Variants in ZFP2 observed in about 807,000 individuals in gnomAD.
The protein encoded by ZFP2 is ZFP2 zinc finger protein.
In ZFP2, 33 loss-of-function variants were observed where a neutral mutation model predicts 36.1. That is an observed-to-expected ratio of 0.92 (90% CI 0.69 to 1.22). The LOEUF is 1.22. ZFP2 is among the 50% of genes most tolerant of loss of function. ZFP2 has a pLI of 0.00. For synonymous variants in ZFP2, 170 were observed against 178.0 expected (o/e 0.96, Z 0.36); for missense variants, 522 against 551.4 (o/e 0.95, Z 0.53).
chr5:178,901,541 G>C (rs908249108), intron 1 of ZFP2, among the ~76,000 whole-genome samples: 2 of 152,096 alleles, frequency 1.3e-5, no homozygotes, highest in Non-Finnish European at 2.9e-5. Flanking sequence ...TGGCTGCATC[G>C]CTCTAATCCT....
At chr5:178,923,157 C>T (rs1372866468) in intron 4 of ZFP2, among the ~76,000 whole-genome samples, 1 of 149,192 alleles carries the variant, frequency 6.7e-6, no homozygotes, top group East Asian at 1.9e-4. Flanking sequence ...ATAAAATTTG[C>T]CATTTTAGCC....
chr5:178,901,931 C>T (rs537746455), intron 1 of ZFP2, among the ~76,000 whole-genome samples: 5 of 152,038 alleles, frequency 3.3e-5, no homozygotes, highest in African/African-American at 4.8e-5. Flanking sequence ...GTCAGGAGTT[C>T]GAGACCAGCC....
At chr5:178,928,741 T>A (rs1326226977) in intron 4 of ZFP2, among the ~76,000 whole-genome samples, 1 of 152,072 alleles carries the variant, frequency 6.6e-6, no homozygotes. Context: ...CATTCTGGAG[T>A]CTGGAGGGCA....
rs17081799 is a variant in ZFP2, at chr5:178,897,430, A to G, written c.-450+1456A>G. Among the ~76,000 whole-genome samples the G allele has an allele frequency of 6.7e-3, 1,022 of 152,350 alleles. 15 individuals carry two copies. Among genetic ancestry groups the G allele is most frequent in the African/African-American group, 0.024 (985 of 41,590 alleles). On this transcript the variant is annotated intron_variant, in intron 1 of 4. Coordinates refer to ENST00000361362, the MANE Select transcript of ZFP2 (RefSeq NM_030613.4). Reference sequence around the variant, plus strand: ...ACGTCACAGGTTCTTATGGTCACACATGAAAACCTTTTCTTCACGTTTGGG... The same window carrying G: ...ACGTCACAGGTTCTTATGGTCACACGTGAAAACCTTTTCTTCACGTTTGGG...
At chr5:178,905,079 T>C (rs974054491) in intron 1 of ZFP2, among the ~76,000 whole-genome samples, 1 of 152,196 alleles carries the variant, frequency 6.6e-6, no homozygotes, top group Non-Finnish European at 1.5e-5. Context: ...ATATTTATCC[T>C]TAATAGTCGA....
At position 178,909,804 on chromosome 5, in the gene ZFP2, A is replaced by G. The variant is rs116811777; in HGVS notation, c.-449-2780A>G. Reference sequence around the variant, plus strand: ...CCTTCGCTTCATTTCCCACTCCACAAAGGTGTCGAAGAGATTTGGCCAGGC... The same window carrying G: ...CCTTCGCTTCATTTCCCACTCCACAGAGGTGTCGAAGAGATTTGGCCAGGC... On this transcript the variant is annotated intron_variant, in intron 1 of 4. Coordinates refer to ENST00000361362, the MANE Select transcript of ZFP2 (RefSeq NM_030613.4). 1,333 of 1,590,534 alleles carry G rather than the reference A, an allele frequency of 8.4e-4. 14 individuals carry two copies. In the African/African-American group the frequency reaches 0.015, roughly 18 times the overall value.
rs550564274 is a variant in ZFP2, at chr5:178,928,394, C to T, written c.-77-2843C>T. ...ACCTATGAGCCTATAAAATAAAAGA[C>T]AAGTTAGTTACCTCCAAGATATACT... On this transcript the variant is annotated intron_variant, in intron 4 of 4. Transcript: ENST00000361362. 2.6e-5 allele frequency among the ~76,000 whole-genome samples: 4 copies of T among 152,290 alleles called. No individual in the cohort carries two copies. The South Asian group carries it at 8.3e-4, about 32-fold the overall frequency.
At chr5:178,909,400 C>T (rs1209535449) in intron 1 of ZFP2, among the ~76,000 whole-genome samples, 1 of 152,224 alleles carries the variant, frequency 6.6e-6, no homozygotes, top group Non-Finnish European at 1.5e-5. Context: ...TCAACCCCCA[C>T]ATCCTCACCA....
chr5:178,898,570 T>G (rs1030201455), intron 1 of ZFP2, among the ~76,000 whole-genome samples: 1 of 152,230 alleles, frequency 6.6e-6, no homozygotes, highest in African/African-American at 2.4e-5. Context: ...CTTCTTTCCC[T>G]TCCCTCAGCT....
At chr5:178,920,735 T>A (rs1370075309) in intron 4 of ZFP2, among the ~76,000 whole-genome samples, 1 of 152,246 alleles carries the variant, frequency 6.6e-6, no homozygotes, top group Non-Finnish European at 1.5e-5. Flanking sequence ...TTCCATTTCT[T>A]TAGAGTGTGT....
chr5:178,910,676 C>T (rs955138233), intron 1 of ZFP2: 3 of 343,074 alleles, frequency 8.7e-6, no homozygotes, highest in African/African-American at 4.3e-5. Flanking sequence ...GGCCCATGCA[C>T]CTCAACATGT....
At chr5:178,917,602 A>C (rs1216970453) in intron 4 of ZFP2, among the ~76,000 whole-genome samples, 1 of 152,034 alleles carries the variant, frequency 6.6e-6, no homozygotes, top group Non-Finnish European at 1.5e-5. Flanking sequence ...GCAACAGAGC[A>C]AGACTCCATC....
intron 4 of ZFP2, among the ~76,000 whole-genome samples, chr5:178,929,948 G>C (rs998336904): frequency 1.3e-5 from 2 of 150,260 alleles, no homozygotes; most frequent in Non-Finnish European, 3.0e-5. Flanking sequence ...ACGGTGGGGG[G>C]GGGGGCTCAG....
At position 178,931,758 on chromosome 5, in the gene ZFP2, C is replaced by T; in HGVS notation, c.445C>T (p.Gln149Ter). 6.2e-7 allele frequency: 1 copy of T among 1,614,086 alleles called. No homozygotes were observed. Among genetic ancestry groups the T allele is most frequent in the Non-Finnish European group, 8.5e-7 (1 of 1,180,014 alleles). The change falls in exon 5 of 5, where the codon CAA (glutamine) becomes TAA (stop). Residue 149 changes from glutamine (Q) to a stop codon, truncating the protein, a stop_gained. Transcript: ENST00000361362. LOFTEE classifies it high-confidence loss of function. The part of the protein sequence containing the change: ...FIERSSLTVH[Q>*]RIHTGEKPYK... ...TGAACGATCCTCCCTTACTGTACAT[C>T]AAAGAATTCATACTGGAGAGAAACC...
rs1416185803 is a variant in ZFP2, at chr5:178,931,535, T to C, written c.222T>C (p.His74=). 1.1e-5 allele frequency: 18 copies of C among 1,614,014 alleles called. 1 individual carries two copies. The African/African-American group carries it at 1.3e-4, about 12-fold the overall frequency. Residue 74 remains histidine, a synonymous_variant, in exon 5 of 5, where the codon CAT becomes CAC. Transcript: ENST00000361362. The part of the protein sequence containing the change: ...QQSIPMVKRP[H]NCNSHGEDAT... ...GCATTCCTATGGTAAAAAGGCCCCA[T>C]AACTGTAATTCACATGGAGAAGATG... is the stretch of plus-strand genomic sequence containing the variant.
intron 4 of ZFP2, among the ~76,000 whole-genome samples, chr5:178,923,748 C>CTT (rs75564560): frequency 2.1e-5 from 3 of 140,046 alleles, no homozygotes; most frequent in Admixed American, 7.2e-5. Flanking sequence ...TGTAGGTAAT[C>CTT]TTTTTTTTTT....
chr5:178,920,805 T>C (rs1324836775), intron 4 of ZFP2, among the ~76,000 whole-genome samples: 2 of 152,248 alleles, frequency 1.3e-5, no homozygotes, highest in African/African-American at 2.4e-5. Flanking sequence ...AAGATAATTG[T>C]ATCATCTCAC....
At chr5:178,920,653 T>A (rs1035999336) in intron 4 of ZFP2, among the ~76,000 whole-genome samples, 1 of 149,114 alleles carries the variant, frequency 6.7e-6, no homozygotes, top group Non-Finnish European at 1.5e-5. Context: ...AAAAAAAAAA[T>A]TGTATATTTT....
intron 1 of ZFP2, among the ~76,000 whole-genome samples, chr5:178,901,517 T>G (rs915735532): frequency 1.1e-4 from 16 of 152,214 alleles, no homozygotes; most frequent in Admixed American, 4.6e-4. Context: ...CACTCTTTGG[T>G]GTTCCTTGGT....
Sources: allele counts gnomAD v4.1 joint callset (sites outside exome capture counted in the v4.1 genomes callset), GRCh38; gene constraint gnomAD v4.1.1; transcripts MANE v1.5; gene names NCBI Gene and HGNC (gene_info 2026-07-23, HGNC 2026-07-21).